Variants in CSMD1 observed in about 807,000 individuals in gnomAD.
CSMD1 encodes CUB and Sushi multiple domains 1, also known as CUB and sushi domain-containing protein 1.
CSMD1 carries 213 observed loss-of-function variants against 417.5 expected under a neutral mutation model. The ratio of observed to expected loss-of-function variants is 0.51; its 90% confidence interval spans 0.46 to 0.57. CSMD1 has a LOEUF of 0.57. CSMD1 is among the 20% of genes least tolerant of loss of function. The pLI is 0.00. For missense variants in CSMD1, 6,923 were observed against 4,529.7 expected (o/e 1.53, Z -15.17); for synonymous variants, 2,862 against 1,736.8 (o/e 1.65, Z -16.11).
chr8:3,191,609 G>C (rs1796427922), intron 33 of CSMD1, among the ~76,000 whole-genome samples: 1 of 152,102 alleles, frequency 6.6e-6, no homozygotes, highest in Non-Finnish European at 1.5e-5. Context: ...TTTGGATAGT[G>C]GGTACTGACA....
chr8:3,006,012 C>T (rs372445251), intron 52 of CSMD1, among the ~76,000 whole-genome samples: 5,457 of 151,834 alleles, frequency 0.036, 137 homozygotes, highest in African/African-American at 0.074. Flanking sequence ...TGATTGTATA[C>T]CTAGAAAACC....
intron 5 of CSMD1, among the ~76,000 whole-genome samples, chr8:3,768,013 G>T (rs1464404141): frequency 6.6e-6 from 1 of 152,104 alleles, no homozygotes; most frequent in African/African-American, 2.4e-5. Flanking sequence ...CAAACTCCAT[G>T]AATGCACCAG....
chr8:3,747,438 T>G lies in CSMD1; in HGVS notation c.931+6492A>C, dbSNP rs139204390. Among the ~76,000 whole-genome samples, 387 of 152,246 alleles carry G rather than the reference T, an allele frequency of 2.5e-3. 2 individuals carry two copies. The highest frequency in any genetic ancestry group is 8.9e-3 in the African/African-American group (371 of 41,550). ...AGTATTTTTTTTTTACTAATGGTCATCCATGCGAACACATAGCTTTGCAAA... is the reference window on the plus strand; with the variant it reads ...AGTATTTTTTTTTTACTAATGGTCAGCCATGCGAACACATAGCTTTGCAAA... On this transcript the variant is annotated intron_variant, in intron 6 of 69. Coordinates refer to ENST00000635120, the MANE Select transcript of CSMD1 (RefSeq NM_033225.6).
intron 50 of CSMD1, among the ~76,000 whole-genome samples, chr8:3,040,960 A>G (rs1413627232): frequency 6.6e-6 from 1 of 152,226 alleles, no homozygotes; most frequent in Non-Finnish European, 1.5e-5. Context: ...ATGTTTCTAC[A>G]GAAGTTCCAG....
intron 2 of CSMD1, among the ~76,000 whole-genome samples, chr8:4,481,805 C>T (rs1455333252): frequency 6.6e-6 from 1 of 152,038 alleles, no homozygotes; most frequent in East Asian, 1.9e-4. Flanking sequence ...ATGGGATTAA[C>T]TTGTTTAATT....
chr8:4,015,469 G>C (rs1563320568), intron 4 of CSMD1, among the ~76,000 whole-genome samples: 1 of 151,864 alleles, frequency 6.6e-6, no homozygotes, highest in South Asian at 2.1e-4. Flanking sequence ...CATTACGTAA[G>C]GCTTAACAAT....
intron 2 of CSMD1, among the ~76,000 whole-genome samples, chr8:4,633,045 C>G (rs781547021): frequency 3.8e-4 from 58 of 152,036 alleles, no homozygotes; most frequent in Non-Finnish European, 8.4e-4. Flanking sequence ...TTTATGTTGC[C>G]GGAGATAGAA....
intron 7 of CSMD1, among the ~76,000 whole-genome samples, chr8:3,631,493 A>G (rs1476600390): frequency 6.6e-6 from 1 of 152,236 alleles, no homozygotes; most frequent in Non-Finnish European, 1.5e-5. Context: ...GAGCAGGCAG[A>G]TAGGCCGGGA....
chr8:3,713,905 C>G (rs1222403857), intron 6 of CSMD1, among the ~76,000 whole-genome samples: 1 of 152,032 alleles, frequency 6.6e-6, no homozygotes, highest in African/African-American at 2.4e-5. Flanking sequence ...GTAATTTTAT[C>G]AATGCCTCTT....
intron 21 of CSMD1, among the ~76,000 whole-genome samples, chr8:3,356,567 C>G (rs992711061): frequency 3.3e-5 from 5 of 152,084 alleles, no homozygotes; most frequent in Non-Finnish European, 5.9e-5. Flanking sequence ...CCCAGCAACT[C>G]GGGAGGATGA....
intron 3 of CSMD1, among the ~76,000 whole-genome samples, chr8:4,407,316 G>C (rs540366165): frequency 8.3e-4 from 127 of 152,222 alleles, no homozygotes; most frequent in Non-Finnish European, 1.6e-3. Flanking sequence ...TAATATATAA[G>C]GGATGAAATG....
intron 1 of CSMD1, among the ~76,000 whole-genome samples, chr8:4,968,512 A>G (rs867288846): frequency 9.9e-5 from 15 of 152,120 alleles, no homozygotes; most frequent in Admixed American, 4.6e-4. Flanking sequence ...TGCAAAAACT[A>G]ATTTCCACCT....
chr8:4,076,413 T>A (rs1301491908), intron 3 of CSMD1, among the ~76,000 whole-genome samples: 1 of 152,204 alleles, frequency 6.6e-6, no homozygotes, highest in Non-Finnish European at 1.5e-5. Context: ...AATGGACTAA[T>A]ACAATAAGCA....
chr8:3,395,933 G>T (rs1811662844), intron 17 of CSMD1, among the ~76,000 whole-genome samples: 1 of 152,160 alleles, frequency 6.6e-6, no homozygotes, highest in Admixed American at 6.6e-5. Flanking sequence ...CTATGCAGAA[G>T]ATGAACCCAT....
At chr8:4,503,560 T>C (rs953871566) in intron 2 of CSMD1, among the ~76,000 whole-genome samples, 1 of 152,134 alleles carries the variant, frequency 6.6e-6, no homozygotes, top group Non-Finnish European at 1.5e-5. Context: ...GTCAAATGGA[T>C]TGGTATATGA....
intron 1 of CSMD1, among the ~76,000 whole-genome samples, chr8:4,654,944 A>T (rs1804134507): frequency 6.6e-6 from 1 of 151,972 alleles, no homozygotes; most frequent in South Asian, 2.1e-4. Context: ...TATCCCCCAA[A>T]TCTAAAACAA....
chr8:3,542,175 C>G lies in CSMD1; in HGVS notation c.1344+32770G>C, dbSNP rs1349169865. 3.3e-5 allele frequency among the ~76,000 whole-genome samples: 5 copies of G among 152,148 alleles called. No individual in the cohort carries two copies. In the South Asian group the frequency reaches 1.0e-3, roughly 32 times the overall value. ...TACATTATTACAAAATACTTCAAAA[C>G]TAAGAGTCTTGCTTGACCTTAATAT... On this transcript the variant is annotated intron_variant, in intron 10 of 69. Coordinates refer to ENST00000635120, the MANE Select transcript of CSMD1 (RefSeq NM_033225.6).
At chr8:4,985,120 C>A (rs577103545) in intron 1 of CSMD1, among the ~76,000 whole-genome samples, 1 of 152,130 alleles carries the variant, frequency 6.6e-6, no homozygotes, top group African/African-American at 2.4e-5. Flanking sequence ...AACAGAAAAT[C>A]AAATACCACT....
chr8:3,001,758 G>A (rs1425578310), intron 52 of CSMD1, among the ~76,000 whole-genome samples: 1 of 152,190 alleles, frequency 6.6e-6, no homozygotes, highest in African/African-American at 2.4e-5. Context: ...AAAATATCAA[G>A]GCGGAGACTT....
Sources: gnomAD v4.1 joint callset for allele counts (sites outside exome capture counted in the v4.1 genomes callset) on GRCh38, gnomAD v4.1.1 for gene constraint, MANE v1.5 for transcripts, NCBI Gene and HGNC (gene_info 2026-07-23, HGNC 2026-07-21) for gene names.